Variants in LRMDA observed in about 807,000 individuals in gnomAD.
LRMDA encodes leucine-rich melanocyte differentiation-associated protein.
Under a neutral mutation model 29.8 loss-of-function variants are expected in LRMDA, and 18 were observed. The observed-to-expected ratio is 0.60, with a 90% CI of 0.42 to 0.90. The LOEUF (loss-of-function observed/expected upper bound fraction) is 0.90. Among genes scored for constraint, LRMDA ranks in the 40% least tolerant of loss-of-function variants. LRMDA has a pLI of 0.00. For synonymous variants in LRMDA, 125 were observed against 109.4 expected, an observed-to-expected ratio of 1.14 and a Z score of -0.89; for missense variants, 273 against 273.9, an observed-to-expected ratio of 1.00 and a Z score of 0.02.
At chr10:75,507,632 A>G (rs1184970772) in intron 2 of LRMDA, among the ~76,000 whole-genome samples, 1 of 152,140 alleles carries the variant, frequency 6.6e-6, no homozygotes, top group Non-Finnish European at 1.5e-5. Context: ...CTATTCTGTC[A>G]CTTCTCTCTG....
chr10:76,422,386 G>T (rs1842080115), intron 6 of LRMDA, among the ~76,000 whole-genome samples: 1 of 151,932 alleles, frequency 6.6e-6, no homozygotes, highest in African/African-American at 2.4e-5. Context: ...TTTTCTCAGT[G>T]GGAGCATTGG....
At chr10:76,490,196 G>C (rs1302044181) in intron 6 of LRMDA, among the ~76,000 whole-genome samples, 1 of 151,864 alleles carries the variant, frequency 6.6e-6, no homozygotes, top group Admixed American at 6.6e-5. Context: ...TTTAAGACTT[G>C]TTTTGTCACC....
intron 2 of LRMDA, among the ~76,000 whole-genome samples, chr10:75,468,659 AGTAG>A (rs1417418378): frequency 1.3e-5 from 2 of 151,680 alleles, no homozygotes; most frequent in Non-Finnish European, 2.9e-5. Flanking sequence ...TTTTCTCCAG[AGTAG>A]GTTTTCACAG....
chr10:76,548,857 C>T (rs1168686831), intron 6 of LRMDA, among the ~76,000 whole-genome samples: 1 of 152,178 alleles, frequency 6.6e-6, no homozygotes, highest in Non-Finnish European at 1.5e-5. Context: ...ATCTGTTAGC[C>T]TAATATTTCT....
At chr10:76,197,449 A>G (rs112915438) in intron 5 of LRMDA, among the ~76,000 whole-genome samples, 1,900 of 152,268 alleles carry the variant, frequency 0.012, 48 homozygotes, top group African/African-American at 0.041. Flanking sequence ...GTGGTTCTCA[A>G]GTGGGGGTGA....
At chr10:75,486,456 C>T (rs373901080) in intron 2 of LRMDA, among the ~76,000 whole-genome samples, 148 of 152,204 alleles carry the variant, frequency 9.7e-4, no homozygotes, top group Middle Eastern at 3.4e-3. Context: ...ATATAGAGGA[C>T]GTAAATTTCA....
At chr10:75,722,980 G>C (rs1842586655) in intron 2 of LRMDA, among the ~76,000 whole-genome samples, 1 of 152,194 alleles carries the variant, frequency 6.6e-6, no homozygotes, top group Non-Finnish European at 1.5e-5. Flanking sequence ...AGGAAACAGA[G>C]TTGCATCCAA....
Position 75,829,821 on chromosome 10 carries a change from A to G in LRMDA, c.132-206187A>G, listed in dbSNP as rs756570768. Among the ~76,000 whole-genome samples the G allele has an allele frequency of 5.2e-4, 76 of 145,250 alleles. 2 individuals are homozygous for G. The highest frequency in any genetic ancestry group is 3.3e-4 in the Non-Finnish European group (22 of 66,704). The stretch of plus-strand genomic sequence containing the variant: ...TTGTTGTTGAGTGGATGTTGAATGC[A>G]TACATTTTTGAATAGGCCACTTTTT... On this transcript the variant is annotated intron_variant, in intron 2 of 6. Coordinates refer to ENST00000611255, the MANE Select transcript of LRMDA (RefSeq NM_001305581.2).
chr10:76,201,401 A>G (rs866947443), intron 5 of LRMDA, among the ~76,000 whole-genome samples: 2 of 152,142 alleles, frequency 1.3e-5, no homozygotes, highest in South Asian at 2.1e-4. Context: ...GTGGCCCTAT[A>G]TTATTATTGA....
intron 2 of LRMDA, among the ~76,000 whole-genome samples, chr10:75,914,837 T>C (rs1265054500): frequency 2.0e-5 from 3 of 152,222 alleles, no homozygotes; most frequent in Non-Finnish European, 4.4e-5. Context: ...AGACAGGTGT[T>C]ATTTTAGAAA....
intron 6 of LRMDA, among the ~76,000 whole-genome samples, chr10:76,518,833 CAT>C (rs994499885): frequency 1.3e-5 from 2 of 152,070 alleles, no homozygotes; most frequent in African/African-American, 4.8e-5. Context: ...TTTTAATGGA[CAT>C]ATGTAGAACT....
chr10:76,314,267 T>G (rs1342737305), intron 5 of LRMDA, among the ~76,000 whole-genome samples: 6 of 152,190 alleles, frequency 3.9e-5, no homozygotes, highest in African/African-American at 1.4e-4. Flanking sequence ...AATGGAATTT[T>G]GCCATGTTGC....
At chr10:76,357,197 G>A (rs975318319) in intron 6 of LRMDA, among the ~76,000 whole-genome samples, 3 of 152,168 alleles carry the variant, frequency 2.0e-5, no homozygotes, top group Admixed American at 6.5e-5. Flanking sequence ...CTTGGACTTT[G>A]CAGTTGTAAC....
intron 2 of LRMDA, among the ~76,000 whole-genome samples, chr10:75,957,737 CGG>C (rs1462430220): frequency 6.6e-6 from 1 of 151,924 alleles, no homozygotes; most frequent in African/African-American, 2.4e-5. Context: ...AGTGCATGAG[CGG>C]GAGAGAGTGA....
chr10:76,174,600 A>G (rs1161613429), intron 5 of LRMDA, among the ~76,000 whole-genome samples: 1 of 152,132 alleles, frequency 6.6e-6, no homozygotes, highest in Non-Finnish European at 1.5e-5. Context: ...GAAAGGCCTC[A>G]GGTCTTAGGG....
At chr10:76,256,738 A>G (rs1433571367) in intron 5 of LRMDA, among the ~76,000 whole-genome samples, 1 of 152,168 alleles carries the variant, frequency 6.6e-6, no homozygotes, top group African/African-American at 2.4e-5. Flanking sequence ...TTACATTTTA[A>G]CACACTTAAA....
intron 2 of LRMDA, among the ~76,000 whole-genome samples, chr10:75,739,356 C>T (rs556263492): frequency 3.3e-5 from 5 of 152,296 alleles, no homozygotes; most frequent in South Asian, 2.1e-4. Flanking sequence ...ACCCCCTCCT[C>T]GCTCATGAAT....
intron 6 of LRMDA, among the ~76,000 whole-genome samples, chr10:76,383,606 A>G (rs1841622498): frequency 6.8e-6 from 1 of 146,800 alleles, no homozygotes. Flanking sequence ...AATTTTTTGT[A>G]TTTTTAGTAG....
intron 2 of LRMDA, among the ~76,000 whole-genome samples, chr10:75,771,606 G>T (rs77176469): frequency 0.013 from 1,988 of 152,250 alleles, 46 homozygotes; most frequent in African/African-American, 0.046. Flanking sequence ...CAGGAGCCAG[G>T]TTGGTCAGGG....
Sources: allele counts gnomAD v4.1 joint callset (sites outside exome capture counted in the v4.1 genomes callset), GRCh38; gene constraint gnomAD v4.1.1; transcripts MANE v1.5; gene names NCBI Gene and HGNC (gene_info 2026-07-23, HGNC 2026-07-21).